Variants in SLC9A9 observed in about 807,000 individuals in gnomAD.
SLC9A9 encodes solute carrier family 9 member A9.
A neutral mutation model predicts 77.8 loss-of-function variants in SLC9A9; 62 were observed. The observed-to-expected ratio is 0.80, with a 90% CI of 0.65 to 0.98. The LOEUF (loss-of-function observed/expected upper bound fraction) is 0.98, where lower values mean the gene tolerates loss of function less well. SLC9A9 is among the 50% of genes least tolerant of loss of function. SLC9A9 has a pLI of 0.00. For missense variants in SLC9A9, 775 were observed against 774.9 expected (o/e 1.00, Z 0.00); for synonymous variants, 320 against 283.5 (o/e 1.13, Z -1.29).
In SLC9A9 at chr3:143,693,204, C is replaced by A. The variant is rs1933530069; in HGVS notation, c.637G>T (p.Ala213Ser). 1 of 1,612,192 alleles carries A rather than the reference C, an allele frequency of 6.2e-7. No homozygotes were observed. The highest frequency in any genetic ancestry group is 1.3e-5 in the African/African-American group (1 of 74,942). The change falls in exon 5 of 16, where the codon GCT becomes TCT. Residue 213 changes from alanine to serine, a missense_variant. Coordinates refer to ENST00000316549, the MANE Select transcript of SLC9A9 (RefSeq NM_173653.4). ...DCLFFGSLMSATDPVTVLAIF... is the reference protein window; with the variant it reads ...DCLFFGSLMSSTDPVTVLAIF... ...TTTGAGCAATTACCTGGATCTGTAG[C>A]AGACATCAGTGAACCAAAAAATAAA...
intron 4 of SLC9A9, among the ~76,000 whole-genome samples, chr3:143,744,869 G>T (rs1029904298): frequency 1.3e-5 from 2 of 152,172 alleles, no homozygotes; most frequent in African/African-American, 4.8e-5. Flanking sequence ...TAATGAGGCA[G>T]GCATGAGATG....
intron 5 of SLC9A9, among the ~76,000 whole-genome samples, chr3:143,672,315 G>A (rs1019027913): frequency 1.3e-5 from 2 of 152,090 alleles, no homozygotes; most frequent in Admixed American, 6.6e-5. Context: ...GAGGCAGAGA[G>A]GGCCAGAAGG....
chr3:143,513,152 T>A lies in SLC9A9; in HGVS notation c.1090-17704A>T, dbSNP rs571145833. Among the ~76,000 whole-genome samples, 98 of 152,342 alleles carry A rather than the reference T, an allele frequency of 6.4e-4. 5 individuals are homozygous for A. In the South Asian group the frequency reaches 0.02, roughly 31 times the overall value. ...TTTTACAAAAGATTTTTCTGTAGCATGTGATGCTATTTGATAGAATTTTAC... is the reference window on the plus strand; with the variant it reads ...TTTTACAAAAGATTTTTCTGTAGCAAGTGATGCTATTTGATAGAATTTTAC... On this transcript the variant is annotated intron_variant, in intron 9 of 15. Transcript: ENST00000316549.
chr3:143,816,323 C>T (rs2009016675), intron 2 of SLC9A9, among the ~76,000 whole-genome samples: 1 of 152,146 alleles, frequency 6.6e-6, no homozygotes, highest in Non-Finnish European at 1.5e-5. Context: ...TCCATCTAAG[C>T]CTCCCAAGTA....
At position 143,574,302 on chromosome 3, in the gene SLC9A9, G is replaced by T; in HGVS notation, c.895-109C>A. The T allele has an allele frequency of 4.4e-6, 4 of 900,106 alleles. No individual in the cohort carries two copies. The Admixed American group carries it at 6.1e-5, about 14-fold the overall frequency. 55.8% of individuals were successfully genotyped at this position (900,106 alleles called of 1,614,324 possible). Reference sequence around the variant, plus strand: ...ATGATAGCTCTAGAGCAAAGTAAAAGAACTGATATTCAGACCTGACTGGAA... The same window carrying T: ...ATGATAGCTCTAGAGCAAAGTAAAATAACTGATATTCAGACCTGACTGGAA... On this transcript the variant is annotated intron_variant, in intron 7 of 15. Transcript: ENST00000316549.
chr3:143,569,261 C>T (rs2037220576), intron 8 of SLC9A9, among the ~76,000 whole-genome samples: 1 of 151,238 alleles, frequency 6.6e-6, no homozygotes, highest in Non-Finnish European at 1.5e-5. Context: ...GACTGACCTA[C>T]TAGATATTAA....
chr3:143,504,791 A>C (rs2035984158), intron 9 of SLC9A9, among the ~76,000 whole-genome samples: 1 of 152,192 alleles, frequency 6.6e-6, no homozygotes, highest in African/African-American at 2.4e-5. Context: ...TTCCCATTTT[A>C]CCATTGGGAA....
chr3:143,449,507 AATATAATAATTAT>A (rs1383044933), intron 12 of SLC9A9, among the ~76,000 whole-genome samples: 2 of 38,502 alleles, frequency 5.2e-5, no homozygotes, highest in East Asian at 1.2e-3. Flanking sequence ...AATTATATAA[AATATAATAATTAT>A]ATAATTATAT....
intron 14 of SLC9A9, among the ~76,000 whole-genome samples, chr3:143,285,940 C>G (rs1157425724): frequency 6.6e-6 from 1 of 152,038 alleles, no homozygotes; most frequent in Non-Finnish European, 1.5e-5. Context: ...TATTCATGAG[C>G]CGGGTGTTTT....
chr3:143,650,191 T>C (rs988093834), intron 6 of SLC9A9, among the ~76,000 whole-genome samples: 2 of 151,742 alleles, frequency 1.3e-5, no homozygotes, highest in Admixed American at 6.6e-5. Context: ...CATGGTTTAG[T>C]GTGAAGAGAA....
chr3:143,619,577 A>G (rs2038163832), intron 6 of SLC9A9, among the ~76,000 whole-genome samples: 1 of 152,208 alleles, frequency 6.6e-6, no homozygotes, highest in Non-Finnish European at 1.5e-5. Context: ...ATAAAAATTC[A>G]TCTCATGGTG....
At chr3:143,441,358 T>A (rs1576498586) in intron 12 of SLC9A9, among the ~76,000 whole-genome samples, 2 of 152,270 alleles carry the variant, frequency 1.3e-5, no homozygotes, top group Admixed American at 1.3e-4. Flanking sequence ...GGGTGGGAAG[T>A]GTACTTATGA....
intron 9 of SLC9A9, among the ~76,000 whole-genome samples, chr3:143,547,793 A>G (rs2036813692): frequency 6.6e-6 from 1 of 151,978 alleles, no homozygotes; most frequent in Non-Finnish European, 1.5e-5. Context: ...TTCCCATCAT[A>G]TACTCCTAGC....
chr3:143,778,100 C>T lies in SLC9A9; in HGVS notation c.533+16901G>A, dbSNP rs2007757491. 6.6e-5 allele frequency among the ~76,000 whole-genome samples: 9 copies of T among 136,602 alleles called. No individual in the cohort carries two copies. In the South Asian group the frequency reaches 2.3e-3, roughly 35 times the overall value. 89.6% of individuals were successfully genotyped at this position (136,602 alleles called of 152,430 possible). ...TTCATTACAGGATATAAATCCAAAT[C>T]TTTTATTATTAAATTTAACAGACAC... is the stretch of plus-strand genomic sequence containing the variant. On this transcript the variant is annotated intron_variant, in intron 4 of 15. Coordinates refer to ENST00000316549, the MANE Select transcript of SLC9A9 (RefSeq NM_173653.4).
intron 2 of SLC9A9, among the ~76,000 whole-genome samples, chr3:143,829,565 A>C (rs1454267048): frequency 6.6e-6 from 1 of 152,202 alleles, no homozygotes; most frequent in African/African-American, 2.4e-5. Flanking sequence ...CTCATAATTC[A>C]TATGATACAA....
chr3:143,662,217 G>T (rs1242054), intron 5 of SLC9A9, among the ~76,000 whole-genome samples: 27,079 of 152,126 alleles, frequency 0.18, 3,004 homozygotes, highest in African/African-American at 0.32. Flanking sequence ...ATAAACTAGC[G>T]CTGTCATTTC....
chr3:143,742,531 C>G (rs1326025721), intron 4 of SLC9A9, among the ~76,000 whole-genome samples: 1 of 152,162 alleles, frequency 6.6e-6, no homozygotes, highest in East Asian at 1.9e-4. Flanking sequence ...TACAATATAT[C>G]TGACCAGTAG....
chr3:143,832,274 A>G, intron 1 of SLC9A9, 53 bp from the exon 2 acceptor site: 3 of 1,458,562 alleles, frequency 2.1e-6, no homozygotes, highest in Non-Finnish European at 2.8e-6. Flanking sequence ...CTAAAATGCC[A>G]CTATTGGAAA....
chr3:143,685,285 T>A (rs995794039), intron 5 of SLC9A9, among the ~76,000 whole-genome samples: 16 of 152,212 alleles, frequency 1.1e-4, no homozygotes, highest in African/African-American at 3.6e-4. Context: ...CTAGGGTGTA[T>A]TTATACTTGC....
Sources: allele counts gnomAD v4.1 joint callset (sites outside exome capture counted in the v4.1 genomes callset), GRCh38; gene constraint gnomAD v4.1.1; transcripts MANE v1.5; gene names NCBI Gene and HGNC (gene_info 2026-07-23, HGNC 2026-07-21).